Variants in OR1J2 observed in about 807,000 individuals in gnomAD.
OR1J2 encodes the protein olfactory receptor 1J2.
For missense variants in OR1J2, 304 were observed against 246.1 expected (o/e 1.24, Z -1.57); for synonymous variants, 142 against 99.7 (o/e 1.42, Z -2.52).
the OR1J2 span, among the ~76,000 whole-genome samples, chr9:122,478,558 A>T: frequency 6.6e-6 from 1 of 152,174 alleles, no homozygotes; most frequent in Non-Finnish European, 1.5e-5. Flanking sequence ...AAACTCTTCC[A>T]TGTAAACAAT....
At chr9:122,457,733 GA>G in the OR1J2 span, among the ~76,000 whole-genome samples, 1 of 151,970 alleles carries the variant, frequency 6.6e-6, no homozygotes, top group Non-Finnish European at 1.5e-5. Context: ...TTACCAAACA[GA>G]ATATTAATAA....
At chr9:122,577,907 A>G in the OR1J2 span, among the ~76,000 whole-genome samples, 1 of 152,198 alleles carries the variant, frequency 6.6e-6, no homozygotes, top group African/African-American at 2.4e-5. Context: ...GAAATTCAAT[A>G]TGTGGTTAAT....
At chr9:122,472,098 T>C in the OR1J2 span, among the ~76,000 whole-genome samples, 5 of 152,192 alleles carry the variant, frequency 3.3e-5, no homozygotes, top group Admixed American at 6.5e-5. Context: ...ACCCTGAACA[T>C]TTTAACCTCC....
At chr9:122,488,229 C>T in the OR1J2 span, among the ~76,000 whole-genome samples, 1 of 152,180 alleles carries the variant, frequency 6.6e-6, no homozygotes, top group Admixed American at 6.5e-5. Context: ...CCTCTGCCTC[C>T]TGGGTTCAAG....
chr9:122,495,780 G>C, the OR1J2 span, among the ~76,000 whole-genome samples: 1 of 152,062 alleles, frequency 6.6e-6, no homozygotes, highest in African/African-American at 2.4e-5. Context: ...TGTATTACCA[G>C]CATTTTTTTC....
chr9:122,488,875 T>G, the OR1J2 span, among the ~76,000 whole-genome samples: 12 of 152,254 alleles, frequency 7.9e-5, no homozygotes, highest in Non-Finnish European at 1.2e-4. Context: ...TTTATTATAC[T>G]CTAAGTTCTG....
At chr9:122,526,108 C>A in the OR1J2 span, among the ~76,000 whole-genome samples, 1 of 152,120 alleles carries the variant, frequency 6.6e-6, no homozygotes, top group Non-Finnish European at 1.5e-5. Context: ...TAATAGCTAT[C>A]CCTTATTGAA....
the OR1J2 span, among the ~76,000 whole-genome samples, chr9:122,473,849 A>G: frequency 2.6e-5 from 4 of 152,216 alleles, no homozygotes; most frequent in Admixed American, 2.6e-4. Flanking sequence ...TTGCTACCCT[A>G]GGAATTCTTG....
the OR1J2 span, chr9:122,519,138 A>G: frequency 1.9e-6 from 3 of 1,580,604 alleles, no homozygotes; most frequent in Non-Finnish European, 2.6e-6. Flanking sequence ...GAAGACTGTC[A>G]GCATGAAGAG....
chr9:122,482,871 G>A, the OR1J2 span, among the ~76,000 whole-genome samples: 1 of 152,202 alleles, frequency 6.6e-6, no homozygotes, highest in Non-Finnish European at 1.5e-5. Context: ...TGAGCAGGAT[G>A]AGAGATGGGA....
the OR1J2 span, among the ~76,000 whole-genome samples, chr9:122,552,793 TG>T: frequency 6.9e-6 from 1 of 144,348 alleles, no homozygotes; most frequent in Non-Finnish European, 1.5e-5. Flanking sequence ...TGTGTGTGTG[TG>T]TGTTGGAGGA....
the OR1J2 span, chr9:122,477,814 G>A: frequency 8.7e-6 from 14 of 1,613,872 alleles, no homozygotes; most frequent in African/African-American, 4.0e-5. Flanking sequence ...CCCCAGCACC[G>A]TGGTCAGGTA....
downstream of OR1J2, among the ~76,000 whole-genome samples, chr9:122,512,491 G>T (rs1368713006): frequency 6.6e-6 from 1 of 152,192 alleles, no homozygotes; most frequent in Non-Finnish European, 1.5e-5. Flanking sequence ...CTTGGAAGTT[G>T]TGGGACACAC....
At chr9:122,480,466 T>C in the OR1J2 span, among the ~76,000 whole-genome samples, 1 of 152,158 alleles carries the variant, frequency 6.6e-6, no homozygotes, top group African/African-American at 2.4e-5. Context: ...TTGTATTTTA[T>C]GTTCAAGGGT....
the OR1J2 span, chr9:122,519,647 T>G: frequency 6.2e-7 from 1 of 1,614,150 alleles, no homozygotes; most frequent in Non-Finnish European, 8.5e-7. Flanking sequence ...TGTCCTTTTG[T>G]GCTGACAACA....
chr9:122,547,430 G>A, the OR1J2 span, among the ~76,000 whole-genome samples: 1 of 152,092 alleles, frequency 6.6e-6, no homozygotes, highest in African/African-American at 2.4e-5. Context: ...TTTGTTACCT[G>A]TAAATATTGC....
chr9:122,537,838 C>G, the OR1J2 span, among the ~76,000 whole-genome samples: 4 of 152,134 alleles, frequency 2.6e-5, no homozygotes, highest in Non-Finnish European at 4.4e-5. Flanking sequence ...GAGAACAGCT[C>G]TCTGCAGCAG....
chr9:122,515,571 C>T (rs1360509132), downstream of OR1J2, among the ~76,000 whole-genome samples: 2 of 152,032 alleles, frequency 1.3e-5, no homozygotes, highest in Admixed American at 6.6e-5. Flanking sequence ...TCCTCAAAAT[C>T]CAAGCTAGGG....
At chr9:122,526,563 C>T in the OR1J2 span, 1 of 1,613,380 alleles carries the variant, frequency 6.2e-7, no homozygotes, top group East Asian at 2.2e-5. Context: ...ACAAACAACG[C>T]AGAGGTGGGA....
Sources: allele counts gnomAD v4.1 joint callset (sites outside exome capture counted in the v4.1 genomes callset), GRCh38; gene constraint gnomAD v4.1.1; transcripts MANE v1.5; gene names NCBI Gene and HGNC (gene_info 2026-07-23, HGNC 2026-07-21).